The following SUMF1 variants were observed in gnomAD, a reference collection of about 807,000 sequenced individuals.
SUMF1 encodes formylglycine-generating enzyme.
Under a neutral mutation model 47.6 loss-of-function variants are expected in SUMF1, and 48 were observed. That is an observed-to-expected ratio of 1.01 (90% confidence interval 0.80 to 1.28). The LOEUF (loss-of-function observed/expected upper bound fraction) is 1.28, where lower values mean the gene tolerates loss of function less well. Ranked by LOEUF, SUMF1 falls within the 50% of genes most tolerant of loss-of-function variation. The pLI is 0.00. For synonymous variants in SUMF1, 230 were observed against 192.1 expected (o/e 1.20, Z -1.63); for missense variants, 571 against 485.4 (o/e 1.18, Z -1.66).
At chr3:4,168,943 T>A (rs922886773) in intron 8 of SUMF1, among the ~76,000 whole-genome samples, 16 of 152,324 alleles carry the variant, frequency 1.1e-4, no homozygotes, top group African/African-American at 3.8e-4. Context: ...CCATGGTAGA[T>A]ATTGTTCCAG....
At chr3:4,374,811 G>A (rs1393728505) in intron 8 of SUMF1, among the ~76,000 whole-genome samples, 2 of 152,090 alleles carry the variant, frequency 1.3e-5, no homozygotes, top group Non-Finnish European at 2.9e-5. Context: ...TGATGTATAC[G>A]TGAACATGTA....
At chr3:4,221,622 A>T (rs1430188162) in intron 8 of SUMF1, among the ~76,000 whole-genome samples, 2 of 152,106 alleles carry the variant, frequency 1.3e-5, no homozygotes. Flanking sequence ...TCATTCAGTT[A>T]TTTGATAAAT....
At chr3:4,272,493 TC>T (rs1697324777) in intron 8 of SUMF1, among the ~76,000 whole-genome samples, 2 of 152,148 alleles carry the variant, frequency 1.3e-5, no homozygotes, top group Admixed American at 6.5e-5. Context: ...AGGTGACTCT[TC>T]CTCTAAGAAC....
intron 8 of SUMF1, among the ~76,000 whole-genome samples, chr3:4,307,151 C>T (rs942951323): frequency 6.6e-6 from 1 of 152,212 alleles, no homozygotes; most frequent in African/African-American, 2.4e-5. Flanking sequence ...CACAACACTT[C>T]TTTATAATTC....
chr3:4,084,166 T>C (rs1452919261), intron 8 of SUMF1, among the ~76,000 whole-genome samples: 1 of 152,104 alleles, frequency 6.6e-6, no homozygotes, highest in Admixed American at 6.5e-5. Flanking sequence ...GAAAGGCATC[T>C]CTTCCATGAG....
In SUMF1 at chr3:4,362,382, C is replaced by A. The variant is rs1016758162; in HGVS notation, c.1015-128G>T. 6 of 759,192 alleles carry A rather than the reference C, an allele frequency of 7.9e-6. No homozygotes were observed. The African/African-American group carries it at 1.0e-4, about 13-fold the overall frequency. 47.0% of individuals were successfully genotyped at this position (759,192 alleles called of 1,614,324 possible). On this transcript the variant is annotated intron_variant, in intron 8 of 8. Transcript: ENST00000272902. ...CAACCCTGCCTGTATGGATACTTAACATGTATGCTTTAAAAAGGGCAGCAC... is the reference window on the plus strand; with the variant it reads ...CAACCCTGCCTGTATGGATACTTAAAATGTATGCTTTAAAAAGGGCAGCAC...
rs979869769 is a variant in SUMF1, at chr3:4,123,898, G to A, written c.1015-55153C>T. On this transcript the variant is annotated intron_variant and NMD_transcript_variant, in intron 8 of 12. Transcript: ENST00000448413. ...GCGTCACAGACATTGATCAGACATG[G>A]GGACTCGACAATGGCTGATCCGTGT... Among the ~76,000 whole-genome samples the A allele has an allele frequency of 2.6e-5, 4 of 152,104 alleles. 1 individual carries two copies. The South Asian group carries it at 8.3e-4, about 32-fold the overall frequency.
At chr3:4,229,861 T>G (rs534771854) in intron 8 of SUMF1, among the ~76,000 whole-genome samples, 5 of 151,770 alleles carry the variant, frequency 3.3e-5, no homozygotes, top group African/African-American at 1.2e-4. Context: ...AAAAAAAAAT[T>G]AATTAGCTGG....
chr3:4,222,807 G>A (rs1003781505), intron 8 of SUMF1, among the ~76,000 whole-genome samples: 1 of 152,026 alleles, frequency 6.6e-6, no homozygotes. Flanking sequence ...TGAGGAAAGA[G>A]ATTCAGAGAA....
At chr3:4,323,859 GAGAT>G (rs1698888448) in intron 8 of SUMF1, among the ~76,000 whole-genome samples, 1 of 152,120 alleles carries the variant, frequency 6.6e-6, no homozygotes, top group Admixed American at 6.6e-5. Flanking sequence ...AGATAGATAA[GAGAT>G]AGATTAATTA....
In SUMF1 at chr3:4,150,719, G is replaced by C. The variant is rs373921000; in HGVS notation, c.1015-81974C>G. On this transcript the variant is annotated intron_variant and NMD_transcript_variant, in intron 8 of 12. Coordinates refer to the SUMF1 transcript ENST00000448413. ...TTTTTAATAAGAAAAAGAAGCAACA[G>C]TGATACCACTATGAAAAGATGCACT... is the stretch of plus-strand genomic sequence containing the variant. 5.2e-4 allele frequency among the ~76,000 whole-genome samples: 79 copies of C among 151,698 alleles called. 2 individuals are homozygous for C. Among genetic ancestry groups the C allele is most frequent in the African/African-American group, 1.8e-3 (74 of 41,004 alleles).
chr3:4,198,428 T>C (rs1695476158), intron 8 of SUMF1, among the ~76,000 whole-genome samples: 3 of 152,144 alleles, frequency 2.0e-5, no homozygotes, highest in African/African-American at 7.2e-5. Flanking sequence ...TGAAAGTAGA[T>C]ACTCCTTCCT....
rs2633851 is a variant in SUMF1 at position 4,362,133 on chromosome 3, T to A, written c.*11A>T. 934,965 of 1,611,076 alleles carry A rather than the reference T, an allele frequency of 0.58. 276,913 individuals carry two copies. Among genetic ancestry groups the A allele is most frequent in the East Asian group, 0.77 (34,568 of 44,820 alleles). On this transcript the variant is annotated 3_prime_UTR_variant, in exon 9 of 9. Coordinates refer to ENST00000272902, the MANE Select transcript of SUMF1 (RefSeq NM_182760.4). The stretch of plus-strand genomic sequence containing the variant: ...ACTGCTCCTTGGACTGGGGAAGACT[T>A]TCCTTGGTTGTCAGTCCATAGTGGG...
intron 8 of SUMF1, among the ~76,000 whole-genome samples, chr3:4,369,020 G>A (rs1243982098): frequency 6.6e-6 from 1 of 151,980 alleles, no homozygotes; most frequent in Non-Finnish European, 1.5e-5. Flanking sequence ...TTTGGACTCA[G>A]GGGGAAGATA....
chr3:4,398,846 C>T (rs1279753222), intron 7 of SUMF1, among the ~76,000 whole-genome samples: 3 of 152,112 alleles, frequency 2.0e-5, no homozygotes, highest in African/African-American at 4.8e-5. Flanking sequence ...ACATATGTGG[C>T]TTGTGACAAA....
intron 8 of SUMF1, among the ~76,000 whole-genome samples, chr3:4,214,043 C>T (rs1695861302): frequency 6.6e-6 from 1 of 152,138 alleles, no homozygotes; most frequent in African/African-American, 2.4e-5. Flanking sequence ...TTGAACTCAG[C>T]TCTGGACCAA....
At chr3:4,158,518 G>A (rs370184288) in intron 8 of SUMF1, among the ~76,000 whole-genome samples, 2 of 151,468 alleles carry the variant, frequency 1.3e-5, no homozygotes, top group South Asian at 2.1e-4. Flanking sequence ...TTTCTGTCTG[G>A]ATCTGTCCAG....
intron 8 of SUMF1, among the ~76,000 whole-genome samples, chr3:4,332,378 C>T (rs1699067431): frequency 6.6e-6 from 1 of 152,192 alleles, no homozygotes; most frequent in Admixed American, 6.5e-5. Context: ...TTATGTGAAA[C>T]AAGGTAGAAA....
At chr3:4,448,338 A>G (rs1014218155) in intron 3 of SUMF1, among the ~76,000 whole-genome samples, 5 of 152,082 alleles carry the variant, frequency 3.3e-5, no homozygotes, top group Non-Finnish European at 7.4e-5. Flanking sequence ...AGGCCCACCC[A>G]CAGAGATGAA....
Sources: allele counts gnomAD v4.1 joint callset (sites outside exome capture counted in the v4.1 genomes callset), GRCh38; gene constraint gnomAD v4.1.1; transcripts MANE v1.5; gene names NCBI Gene and HGNC (gene_info 2026-07-23, HGNC 2026-07-21).